ADARB1: variants seen among roughly 807,000 people sequenced by gnomAD.
ADARB1 encodes the protein double-stranded RNA-specific editase 1.
ADARB1 carries 10 observed loss-of-function variants against 52.4 expected under a neutral mutation model. That is an observed-to-expected ratio of 0.19 (90% confidence interval 0.12 to 0.32). The LOEUF is 0.32. Among genes scored for constraint, ADARB1 ranks in the 10% least tolerant of loss-of-function variants. The pLI is 1.00. For missense variants in ADARB1, 643 were observed against 922.3 expected (o/e 0.70, Z 3.92); for synonymous variants, 349 against 371.1 (o/e 0.94, Z 0.68).
chr21:45,175,810 G>A lies in ADARB1; in HGVS notation c.109G>A (p.Glu37Lys), dbSNP rs779194116. ...PKDGSTPGPG[E>K]GSQLSNGGGG... ...GGATGGCAGCACACCTGGGCCTGGC[G>A]AGGGCTCTCAGCTCTCCAATGGGGG... is the stretch of plus-strand genomic sequence containing the variant. The change falls in exon 4 of 11, where the codon GAG becomes AAG. Residue 37 changes from glutamate (E) to lysine (K), a missense_variant. By Grantham distance (56) the Glu-to-Lys change is moderately conservative. This residue lies in a region of ADARB1 where 380 missense variants were observed against 446.5 expected (regional missense o/e 0.85). Transcript: ENST00000348831. 3.1e-6 allele frequency: 5 copies of A among 1,614,164 alleles called. No individual in the cohort carries two copies. Among genetic ancestry groups the A allele is most frequent in the Admixed American group, 1.7e-5 (1 of 60,030 alleles).
intron 3 of ADARB1, among the ~76,000 whole-genome samples, chr21:45,173,962 TA>T (rs1358516956): frequency 1.3e-5 from 2 of 152,158 alleles, no homozygotes; most frequent in Non-Finnish European, 2.9e-5. Context: ...AAACCAGGTT[TA>T]TGCTCTGCTG....
intron 1 of ADARB1, among the ~76,000 whole-genome samples, chr21:45,082,639 C>G (rs9983296): frequency 0.35 from 53,256 of 152,066 alleles, 9,528 homozygotes; most frequent in Non-Finnish European, 0.39. Flanking sequence ...CCTAGGAAAG[C>G]TGGATAATGT....
chr21:45,091,104 G>A (rs1336317494), intron 1 of ADARB1, among the ~76,000 whole-genome samples: 2 of 152,210 alleles, frequency 1.3e-5, no homozygotes. Context: ...GGATACCAAA[G>A]GTTTAGCAGT....
At chr21:45,211,178 G>T (rs2092761775) in intron 9 of ADARB1, among the ~76,000 whole-genome samples, 2 of 152,220 alleles carry the variant, frequency 1.3e-5, no homozygotes, top group African/African-American at 4.8e-5. Context: ...GCTCTGTACG[G>T]ATTCTAATGG....
chr21:45,075,301 G>A (rs1438461775), intron 1 of ADARB1, among the ~76,000 whole-genome samples: 1 of 151,094 alleles, frequency 6.6e-6, no homozygotes, highest in Non-Finnish European at 1.5e-5. Flanking sequence ...TGTCCCTGGG[G>A]AGACGCTCCG....
At chr21:45,091,360 G>GA (rs2086555479) in intron 1 of ADARB1, among the ~76,000 whole-genome samples, 1 of 152,154 alleles carries the variant, frequency 6.6e-6, no homozygotes, top group Admixed American at 6.5e-5. Flanking sequence ...TTCTTATGAT[G>GA]AAAAAACAGA....
At chr21:45,129,256 G>A (rs1247341357) in intron 2 of ADARB1, among the ~76,000 whole-genome samples, 4 of 152,106 alleles carry the variant, frequency 2.6e-5, no homozygotes, top group African/African-American at 9.7e-5. Flanking sequence ...CATTTCTTTA[G>A]TACTTATTTT....
intron 1 of ADARB1, among the ~76,000 whole-genome samples, chr21:45,083,720 C>T (rs566592388): frequency 2.6e-5 from 4 of 152,202 alleles, no homozygotes; most frequent in African/African-American, 7.2e-5. Flanking sequence ...TTTGCGACAG[C>T]GTCTTGCTTT....
chr21:45,127,137 G>GC (rs2088632875), intron 1 of ADARB1, among the ~76,000 whole-genome samples: 2 of 152,150 alleles, frequency 1.3e-5, no homozygotes, highest in South Asian at 4.1e-4. Flanking sequence ...CTTGCTCTCT[G>GC]CCCACTGGGG....
chr21:45,114,534 G>A (rs1213568049), intron 1 of ADARB1, among the ~76,000 whole-genome samples: 1 of 152,166 alleles, frequency 6.6e-6, no homozygotes, highest in African/African-American at 2.4e-5. Context: ...TGTTTTTAAA[G>A]GTCCGACTAT....
At chr21:45,148,408 G>A (rs985683930) in intron 2 of ADARB1, among the ~76,000 whole-genome samples, 2 of 152,200 alleles carry the variant, frequency 1.3e-5, no homozygotes, top group African/African-American at 2.4e-5. Flanking sequence ...GAAAGAATCC[G>A]GACAGGCAGC....
intron 1 of ADARB1, among the ~76,000 whole-genome samples, chr21:45,099,115 C>T (rs912123894): frequency 5.9e-5 from 9 of 152,266 alleles, no homozygotes; most frequent in Middle Eastern, 6.8e-3. Flanking sequence ...GAAATTTAGC[C>T]GTGGATCATA....
intron 1 of ADARB1, among the ~76,000 whole-genome samples, chr21:45,113,907 A>G (rs928195578): frequency 6.6e-6 from 1 of 152,248 alleles, no homozygotes; most frequent in Non-Finnish European, 1.5e-5. Flanking sequence ...GTCTGCTGTT[A>G]TGAATAGCAC....
chr21:45,183,359 C>T lies in ADARB1; in HGVS notation c.1248-3C>T. The T allele has an allele frequency of 6.3e-7, 1 of 1,590,174 alleles. No individual in the cohort carries two copies. The highest frequency in any genetic ancestry group is 1.2e-5 in the South Asian group (1 of 85,844). The stretch of plus-strand genomic sequence containing the variant: ...GTTACTTTTGCAACTTTTTTCCTTT[C>T]AGTAACAAAGATGATCAAAAAAGAT... On this transcript the variant is annotated splice_region_variant and splice_polypyrimidine_tract_variant and intron_variant, in intron 6 of 10. Transcript: ENST00000348831.
intron 9 of ADARB1, among the ~76,000 whole-genome samples, chr21:45,207,908 G>T (rs574324751): frequency 1.3e-5 from 2 of 152,254 alleles, no homozygotes; most frequent in East Asian, 3.9e-4. Context: ...AAAAGATAAT[G>T]CTGTCAGGAT....
intron 8 of ADARB1, among the ~76,000 whole-genome samples, chr21:45,195,047 T>C (rs2092395081): frequency 1.3e-5 from 2 of 152,238 alleles, no homozygotes; most frequent in Non-Finnish European, 2.9e-5. Context: ...CAATGAATGT[T>C]GTCCCACATT....
At chr21:45,174,113 C>T (rs373595442) in intron 3 of ADARB1, among the ~76,000 whole-genome samples, 3 of 152,152 alleles carry the variant, frequency 2.0e-5, no homozygotes, top group Admixed American at 6.5e-5. Context: ...GTTTGCTTAA[C>T]GTAATGAGAA....
In ADARB1 at chr21:45,175,848, C is replaced by T. The variant is rs747116737; in HGVS notation, c.147C>T (p.Pro49=). 9 of 1,613,774 alleles carry T rather than the reference C, an allele frequency of 5.6e-6. No homozygotes were observed. The highest frequency in any genetic ancestry group is 4.5e-5 in the East Asian group (2 of 44,870). ...SQLSNGGGGG[P]GRKRPLEEGS... The stretch of plus-strand genomic sequence containing the variant: ...TCTCCAATGGGGGTGGTGGTGGCCC[C>T]GGCAGAAAGCGGCCCCTGGAGGAGG... Residue 49 remains proline, a synonymous_variant, in exon 4 of 11, where the codon CCC becomes CCT. Coordinates refer to ENST00000348831, the MANE Select transcript of ADARB1 (RefSeq NM_001112.4).
intron 1 of ADARB1, among the ~76,000 whole-genome samples, chr21:45,085,392 T>G (rs2086300261): frequency 2.0e-5 from 3 of 152,170 alleles, no homozygotes; most frequent in African/African-American, 7.2e-5. Context: ...ACATTTCACT[T>G]GGTTTAGACC....
Sources: gnomAD v4.1 joint callset for allele counts (sites outside exome capture counted in the v4.1 genomes callset) on GRCh38, gnomAD v4.1.1 for gene constraint, gnomAD v4.1.1 regional missense constraint, MANE v1.5 for transcripts, NCBI Gene and HGNC (gene_info 2026-07-23, HGNC 2026-07-21) for gene names.